Variants in ZNF831 observed in about 807,000 individuals in gnomAD.
ZNF831 encodes the protein zinc finger protein 831.
A neutral mutation model predicts 95.8 loss-of-function variants in ZNF831; 59 were observed. That is an observed-to-expected ratio of 0.62 (90% CI 0.50 to 0.77). ZNF831 has a LOEUF of 0.77. ZNF831 is among the 30% of genes least tolerant of loss of function. ZNF831 has a pLI of 0.00. For missense variants in ZNF831, 2,205 were observed against 2,164.0 expected, an observed-to-expected ratio of 1.02 and a Z score of -0.38; for synonymous variants, 961 against 925.5, an observed-to-expected ratio of 1.04 and a Z score of -0.70.
chr20:59,195,582 G>A (rs1984032310), intron 2 of ZNF831, among the ~76,000 whole-genome samples: 1 of 152,128 alleles, frequency 6.6e-6, no homozygotes, highest in African/African-American at 2.4e-5. Flanking sequence ...TGGATTTAGG[G>A]GATAGTAAAG....
chr20:59,243,877 G>C (rs1987460785), intron 4 of ZNF831, among the ~76,000 whole-genome samples: 1 of 152,100 alleles, frequency 6.6e-6, no homozygotes, highest in African/African-American at 2.4e-5. Context: ...TGAAATTAAT[G>C]ATCCATAAAG....
At chr20:59,179,953 G>C (rs1432819215) in intron 1 of ZNF831, among the ~76,000 whole-genome samples, 1 of 152,168 alleles carries the variant, frequency 6.6e-6, no homozygotes, top group African/African-American at 2.4e-5. Context: ...GCCACTGTTA[G>C]AGGGGCATCT....
In ZNF831 at chr20:59,192,131, C is replaced by CAACAG; in HGVS notation, c.1112_1113insAACAG (p.Glu372ThrfsTer164). ...CTGCACAGCCTTTCGGAGCACAGCG[C>CAACAG]CGAGTCCGAGGGGGAGGGCGGCCCG... On this transcript the variant is annotated frameshift_variant, in exon 2 of 6. Coordinates refer to ENST00000371030, the MANE Select transcript of ZNF831 (RefSeq NM_178457.3). LOFTEE classifies it high-confidence loss of function. This position sits in a 1 kb window ranked among gnomAD's most constrained non-coding sequence, Gnocchi z 5.2. The CAACAG allele has an allele frequency of 6.4e-7, 1 of 1,570,632 alleles. No individual in the cohort carries two copies.
intron 1 of ZNF831, among the ~76,000 whole-genome samples, chr20:59,137,950 T>C (rs1233370952): frequency 8.5e-5 from 13 of 152,304 alleles, no homozygotes; most frequent in Non-Finnish European, 1.5e-4. Flanking sequence ...ACTTCATGCA[T>C]TGGTTACCTG....
intron 2 of ZNF831, among the ~76,000 whole-genome samples, chr20:59,151,714 T>C (rs1054074409): frequency 3.2e-4 from 49 of 152,148 alleles, no homozygotes; most frequent in Admixed American, 8.5e-4. Context: ...TTTGTAGTAG[T>C]TTTAGCTAAG....
At chr20:59,154,158 A>T (rs986409405) in intron 2 of ZNF831, among the ~76,000 whole-genome samples, 1 of 152,126 alleles carries the variant, frequency 6.6e-6, no homozygotes, top group African/African-American at 2.4e-5. Flanking sequence ...TGTCACAGGG[A>T]CCCTGCTGCT....
intron 4 of ZNF831, among the ~76,000 whole-genome samples, chr20:59,244,843 C>T (rs1449576263): frequency 6.6e-6 from 1 of 152,168 alleles, no homozygotes; most frequent in Non-Finnish European, 1.5e-5. Context: ...GGATGTACTA[C>T]TATTTATCTG....
chr20:59,147,608 G>C (rs961098732), intron 2 of ZNF831, among the ~76,000 whole-genome samples: 6 of 152,224 alleles, frequency 3.9e-5, no homozygotes, highest in Admixed American at 2.6e-4. Flanking sequence ...TAAAGAAAAG[G>C]CTTTGAGGGC....
At chr20:59,222,090 C>T (rs1986114567) in intron 4 of ZNF831, among the ~76,000 whole-genome samples, 1 of 152,244 alleles carries the variant, frequency 6.6e-6, no homozygotes, top group Non-Finnish European at 1.5e-5. Context: ...TTTCTGCCTC[C>T]TCCTGTCTCC....
Position 59,255,987 on chromosome 20 carries a change from A to T in ZNF831, c.*1244A>T, listed in dbSNP as rs117600561. The T allele has an allele frequency of 6.6e-6, 1 of 152,248 alleles. No homozygotes were observed. The highest frequency in any genetic ancestry group is 1.9e-4 in the East Asian group (1 of 5,178). 9.4% of individuals were successfully genotyped at this position (152,248 alleles called of 1,614,324 possible). On this transcript the variant is annotated 3_prime_UTR_variant, in exon 6 of 6. Coordinates refer to ENST00000371030, the MANE Select transcript of ZNF831 (RefSeq NM_178457.3). ...CTTCCACGGGAGAGGAGAAACTTAA[A>T]GAGGTTTACATTGCTGCATTTCAAT...
In ZNF831 at chr20:59,254,682, C is replaced by T; in HGVS notation, c.4973C>T (p.Thr1658Ile). ...KRSLEGMRKQ[T>I]RVEFSDTSSD... The stretch of plus-strand genomic sequence containing the variant: ...AGTCTGGAAGGAATGAGAAAGCAAA[C>T]TCGAGTAGAGTTCAGTGACACCAGC... Residue 1658 changes from threonine to isoleucine, a missense_variant, in exon 6 of 6, where the codon ACT becomes ATT. Physicochemically the swap from Thr to Ile is moderately conservative, Grantham distance 89. Transcript: ENST00000371030. This position sits in a 1 kb window ranked among gnomAD's most constrained non-coding sequence, Gnocchi z 4.5. The T allele has an allele frequency of 6.2e-7, 1 of 1,614,158 alleles. No individual in the cohort carries two copies. Among genetic ancestry groups the T allele is most frequent in the Non-Finnish European group, 8.5e-7 (1 of 1,180,024 alleles).
chr20:59,147,728 A>G (rs746195910), intron 2 of ZNF831, among the ~76,000 whole-genome samples: 6 of 152,236 alleles, frequency 3.9e-5, no homozygotes, highest in Non-Finnish European at 7.3e-5. Context: ...GTTTAGGCAA[A>G]GTGTAATATG....
At position 59,194,703 on chromosome 20, in the gene ZNF831, T is replaced by C. The variant is rs1254757671; in HGVS notation, c.3684T>C (p.Asn1228=). The C allele has an allele frequency of 5.6e-6, 9 of 1,605,300 alleles. No homozygotes were observed. In the Admixed American group the frequency reaches 1.0e-4, roughly 18 times the overall value. ...GTCCCAATGGCCCTCCTGGGAGCAATGGAGGATGGACCTGGACAAGCCCTG... is the reference window on the plus strand; with the variant it reads ...GTCCCAATGGCCCTCCTGGGAGCAACGGAGGATGGACCTGGACAAGCCCTG... The part of the protein sequence containing the change: ...DEGPNGPPGS[N]GGWTWTSPGE... Residue 1228 remains asparagine (N), a synonymous_variant, in exon 2 of 6, where the codon AAT becomes AAC. Transcript: ENST00000371030.
intron 1 of ZNF831, among the ~76,000 whole-genome samples, chr20:59,167,369 T>C (rs904650723): frequency 6.6e-6 from 1 of 152,152 alleles, no homozygotes; most frequent in African/African-American, 2.4e-5. Flanking sequence ...TGTGAATACT[T>C]TCTCCAGATC....
rs2146580167 is a variant in ZNF831 at position 59,193,274 on chromosome 20, A to G, written c.2255A>G (p.Asn752Ser). ...AGTAGGAGCCCCCTGGTCTCTCCAA[A>G]TGGGAGGCTGGAACTGGGGTGGCAG... Reference protein sequence around the residue: ...SGSRSPLVSPNGRLELGWQMP... With the variant: ...SGSRSPLVSPSGRLELGWQMP... The change falls in exon 2 of 6, where the codon AAT becomes AGT. Residue 752 changes from asparagine to serine, a missense_variant. Transcript: ENST00000371030. The G allele has an allele frequency of 6.2e-7, 1 of 1,609,840 alleles. No homozygotes were observed. The highest frequency in any genetic ancestry group is 8.5e-7 in the Non-Finnish European group (1 of 1,178,186).
chr20:59,187,401 G>C (rs1044951814), intron 1 of ZNF831, among the ~76,000 whole-genome samples: 1 of 152,064 alleles, frequency 6.6e-6, no homozygotes, highest in Non-Finnish European at 1.5e-5. Flanking sequence ...GCAAGAAGAC[G>C]GCCATCTAGG....
At chr20:59,248,757 A>G (rs1987736636) in intron 4 of ZNF831, among the ~76,000 whole-genome samples, 2 of 152,394 alleles carry the variant, frequency 1.3e-5, no homozygotes, top group South Asian at 2.1e-4. Context: ...AATGCATATC[A>G]TCACCATTAA....
At chr20:59,161,186 G>C (rs895551616), upstream of ZNF831, among the ~76,000 whole-genome samples, 1 of 152,124 alleles carries the variant, frequency 6.6e-6, no homozygotes, top group South Asian at 2.1e-4. Context: ...ATATTCACAA[G>C]GTTGTGCAAC....
chr20:59,191,536 C>A lies in ZNF831; in HGVS notation c.517C>A (p.Pro173Thr), dbSNP rs1255079658. The A allele has an allele frequency of 1.9e-6, 3 of 1,613,010 alleles. No homozygotes were observed. In the African/African-American group the frequency reaches 4.0e-5, roughly 22 times the overall value. The change falls in exon 2 of 6, where the codon CCG becomes ACG. Residue 173 changes from proline to threonine, a missense_variant. Physicochemically the swap from Pro to Thr is conservative, Grantham distance 38 (BLOSUM62 -1). Transcript: ENST00000371030. ...GTCCCACACGGGTGAGAGGCCCTTCCCGTGTGCCACCTGCGGCATCGCCTT... is the reference window on the plus strand; with the variant it reads ...GTCCCACACGGGTGAGAGGCCCTTCACGTGTGCCACCTGCGGCATCGCCTT... ...IRSHTGERPF[P>T]CATCGIAFKT...
Sources: allele counts gnomAD v4.1 joint callset (sites outside exome capture counted in the v4.1 genomes callset), GRCh38; gene constraint gnomAD v4.1.1; non-coding constraint Gnocchi (gnomAD v3.1); transcripts MANE v1.5; gene names NCBI Gene and HGNC (gene_info 2026-07-23, HGNC 2026-07-21).